Variants in MAGI2 observed in about 807,000 individuals in gnomAD.
MAGI2 encodes the protein membrane associated guanylate kinase, WW and PDZ domain containing 2.
Under a neutral mutation model 133.3 loss-of-function variants are expected in MAGI2, and 35 were observed. The ratio of observed to expected loss-of-function variants is 0.26; its 90% confidence interval spans 0.20 to 0.35. The LOEUF is 0.35. MAGI2 is among the 10% of genes least tolerant of loss of function. The pLI, the probability that MAGI2 is intolerant of heterozygous loss-of-function variation, is 1.00. For missense variants in MAGI2, 1,636 were observed against 1,863.4 expected (o/e 0.88, Z 2.25); for synonymous variants, 729 against 710.6 (o/e 1.03, Z -0.41).
chr7:78,560,083 C>CT (rs1422839316), intron 3 of MAGI2, among the ~76,000 whole-genome samples: 1 of 152,010 alleles, frequency 6.6e-6, no homozygotes, highest in Non-Finnish European at 1.5e-5. Flanking sequence ...CATGCCCACA[C>CT]AAAGCAGGGA....
At chr7:78,798,917 G>A (rs373197843) in intron 2 of MAGI2, among the ~76,000 whole-genome samples, 12 of 152,130 alleles carry the variant, frequency 7.9e-5, no homozygotes, top group Non-Finnish European at 1.6e-4. Context: ...CCAAACATCC[G>A]ATGTCTCCTC....
intron 2 of MAGI2, among the ~76,000 whole-genome samples, chr7:78,969,834 A>G (rs1321196863): frequency 6.6e-6 from 1 of 152,080 alleles, no homozygotes; most frequent in Non-Finnish European, 1.5e-5. Flanking sequence ...ATGTTAGCCA[A>G]TATTAATCAG....
At chr7:78,940,976 A>G (rs1394514548) in intron 2 of MAGI2, 2 of 152,236 alleles carry the variant, frequency 1.3e-5, no homozygotes, top group Admixed American at 1.3e-4. Context: ...GGCTTTAGAT[A>G]TAATGGAATG....
chr7:78,774,793 G>C (rs13228509), intron 2 of MAGI2, among the ~76,000 whole-genome samples: 5,892 of 152,244 alleles, frequency 0.039, 168 homozygotes, highest in South Asian at 0.064. Flanking sequence ...AGTGGTAGAA[G>C]AGACTAAAGG....
At chr7:78,073,538 A>G (rs1814944941) in intron 21 of MAGI2, among the ~76,000 whole-genome samples, 1 of 152,176 alleles carries the variant, frequency 6.6e-6, no homozygotes, top group African/African-American at 2.4e-5. Flanking sequence ...TGTTCCTATT[A>G]TATTTTGCTT....
rs544342544 is a variant in MAGI2 at position 78,144,896 on chromosome 7, C to A, written c.2846-9690G>T. Among the ~76,000 whole-genome samples, 270 of 152,218 alleles carry A rather than the reference C, an allele frequency of 1.8e-3. 1 individual carries two copies. Among genetic ancestry groups the A allele is most frequent in the Non-Finnish European group, 3.0e-3 (201 of 68,012 alleles). ...TCTCTCCACTTGCCCCCCTGCCCCC[C>A]ATGTGCTCTGGTGTGTGTTGTTCCC... On this transcript the variant is annotated intron_variant, in intron 16 of 21. Coordinates refer to ENST00000354212, the MANE Select transcript of MAGI2 (RefSeq NM_012301.4).
chr7:78,231,270 G>A (rs1465033479), intron 10 of MAGI2, among the ~76,000 whole-genome samples: 5 of 152,204 alleles, frequency 3.3e-5, no homozygotes, highest in Non-Finnish European at 7.3e-5. Context: ...AACAAGACTA[G>A]AGAAGCTACC....
At chr7:78,717,029 C>T (rs927650294) in intron 2 of MAGI2, among the ~76,000 whole-genome samples, 14 of 152,108 alleles carry the variant, frequency 9.2e-5, no homozygotes, top group Non-Finnish European at 1.5e-4. Flanking sequence ...AACCCCTAAC[C>T]CAGTGAATTC....
chr7:78,308,522 C>T (rs1198346575), intron 9 of MAGI2, among the ~76,000 whole-genome samples: 1 of 152,004 alleles, frequency 6.6e-6, no homozygotes, highest in Non-Finnish European at 1.5e-5. Context: ...TGAGGTCCGA[C>T]CCATCTTTTT....
chr7:79,352,211 T>C (rs1201303723), intron 1 of MAGI2, among the ~76,000 whole-genome samples: 1 of 152,112 alleles, frequency 6.6e-6, no homozygotes, highest in Non-Finnish European at 1.5e-5. Flanking sequence ...TTTCATAAAC[T>C]CCTCACAAAG....
intron 3 of MAGI2, among the ~76,000 whole-genome samples, chr7:78,561,737 A>G (rs1800427572): frequency 6.6e-6 from 1 of 152,192 alleles, no homozygotes; most frequent in African/African-American, 2.4e-5. Context: ...CAACGCAGGA[A>G]GCAAAGAGGT....
chr7:78,261,781 G>C (rs1477243849), intron 9 of MAGI2, among the ~76,000 whole-genome samples: 2 of 152,062 alleles, frequency 1.3e-5, no homozygotes, highest in African/African-American at 4.8e-5. Flanking sequence ...AGATTTGACT[G>C]AGCTTTATTT....
intron 7 of MAGI2, among the ~76,000 whole-genome samples, chr7:78,364,352 G>A (rs954313105): frequency 6.6e-6 from 1 of 152,280 alleles, no homozygotes; most frequent in East Asian, 1.9e-4. Context: ...AAGATATTGA[G>A]TTCAAGTTCT....
intron 1 of MAGI2, among the ~76,000 whole-genome samples, chr7:79,032,803 T>C (rs755840912): frequency 1.5e-4 from 22 of 148,802 alleles, no homozygotes; most frequent in Admixed American, 3.3e-4. Flanking sequence ...TCAGTTTTTA[T>C]TAGATGTATC....
intron 1 of MAGI2, among the ~76,000 whole-genome samples, chr7:79,164,067 T>C (rs1165337003): frequency 6.6e-6 from 1 of 152,046 alleles, no homozygotes; most frequent in East Asian, 1.9e-4. Context: ...CAGACAACTC[T>C]AGAAATGAGC....
chr7:79,348,190 T>C (rs965847439), intron 1 of MAGI2, among the ~76,000 whole-genome samples: 9 of 151,904 alleles, frequency 5.9e-5, no homozygotes, highest in African/African-American at 2.2e-4. Flanking sequence ...ATGTTTTATT[T>C]GCCCCAAAGC....
intron 1 of MAGI2, among the ~76,000 whole-genome samples, chr7:79,117,527 A>C (rs1488398905): frequency 6.6e-6 from 1 of 152,100 alleles, no homozygotes; most frequent in Non-Finnish European, 1.5e-5. Flanking sequence ...TTTGGTATTT[A>C]TTTCACAAAT....
chr7:78,032,406 G>C (rs1004274080), intron 21 of MAGI2, among the ~76,000 whole-genome samples: 1 of 152,026 alleles, frequency 6.6e-6, no homozygotes, highest in Non-Finnish European at 1.5e-5. Flanking sequence ...GTAGAGATGG[G>C]GTTTCGTCAT....
intron 3 of MAGI2, among the ~76,000 whole-genome samples, chr7:78,612,772 C>A (rs1806603574): frequency 6.6e-6 from 1 of 152,034 alleles, no homozygotes; most frequent in Admixed American, 6.5e-5. Context: ...CAGGTTCATG[C>A]CATTCTCCTG....
Sources: allele counts gnomAD v4.1 joint callset (sites outside exome capture counted in the v4.1 genomes callset), GRCh38; gene constraint gnomAD v4.1.1; transcripts MANE v1.5; gene names NCBI Gene and HGNC (gene_info 2026-07-23, HGNC 2026-07-21).